Variants in MAN2A2 observed in about 807,000 individuals in gnomAD.
MAN2A2 encodes the protein mannosidase alpha class 2A member 2, also known as alpha-mannosidase 2x.
A neutral mutation model predicts 126.8 loss-of-function variants in MAN2A2; 79 were observed. The observed-to-expected ratio is 0.62, with a 90% CI of 0.52 to 0.75. The LOEUF (loss-of-function observed/expected upper bound fraction) is 0.75. Among genes scored for constraint, MAN2A2 ranks in the 30% least tolerant of loss-of-function variants. MAN2A2 has a pLI of 0.00. For missense variants in MAN2A2, 1,392 were observed against 1,522.4 expected (o/e 0.91, Z 1.43); for synonymous variants, 671 against 618.7 (o/e 1.08, Z -1.25).
At position 90,906,374 on chromosome 15, in the gene MAN2A2, G is replaced by A. The variant is rs1477043802; in HGVS notation, c.712G>A (p.Val238Met). The change falls in exon 6 of 23, where the codon GTG becomes ATG. Residue 238 changes from valine to methionine, a missense_variant. Transcript: ENST00000559717. ...VQKRAAVRRL[V>M]GNGQLEIATG... is the part of the protein sequence containing the mutation. ...AGTGTGAGTCCTTAACTATAGGCTG[G>A]TGGGAAACGGGCAGCTGGAGATTGC... 10 of 1,614,060 alleles carry A rather than the reference G, an allele frequency of 6.2e-6. No homozygotes were observed. The Admixed American group carries it at 1.0e-4, about 16-fold the overall frequency.
intron 18 of MAN2A2, 32 bp downstream of exon 18, chr15:90,913,438 A>C (rs1307708511): frequency 6.3e-7 from 1 of 1,577,788 alleles, no homozygotes; most frequent in Non-Finnish European, 8.7e-7. Flanking sequence ...CGGAGACCCC[A>C]CAGAGTAGAA....
At chr15:90,918,870 A>G in intron 22 of MAN2A2, 115 bp downstream of exon 22, 1 of 757,690 alleles carries the variant, frequency 1.3e-6, no homozygotes, top group Non-Finnish European at 2.2e-6. Flanking sequence ...GGCTTTCTGG[A>G]GAGAAGGGGG....
intron 7 of MAN2A2, 101 bp downstream of exon 7, chr15:90,907,014 C>A: frequency 7.1e-7 from 1 of 1,413,152 alleles, no homozygotes; most frequent in Non-Finnish European, 9.8e-7. Flanking sequence ...CAGAGCAGAC[C>A]TGCAGGCACT....
chr15:90,907,174 A>G, intron 7 of MAN2A2, 135 bp from the exon 8 acceptor site: 1 of 950,526 alleles, frequency 1.1e-6, no homozygotes, highest in Non-Finnish European at 1.6e-6. Flanking sequence ...TCCCTGGCCT[A>G]CACACTCTCT....
chr15:90,916,246 T>C lies in MAN2A2; in HGVS notation c.2984T>C (p.Val995Ala), dbSNP rs930715151. ...CGCCTCCTGCTAGAGCGGCGAACCG[T>C]GGGCAGTGAGGTAACATCTGGGGCT... ...RFRLLLERRT[V>A]GSEVQDSHST... Residue 995 changes from valine (V) to alanine (A), a missense_variant, in exon 20 of 23, where the codon GTG becomes GCG. By Grantham distance (64) the Val-to-Ala change is moderately conservative. Coordinates refer to ENST00000559717, the MANE Select transcript of MAN2A2 (RefSeq NM_006122.4). 4.3e-6 allele frequency: 7 copies of C among 1,613,590 alleles called. No homozygotes were observed. The highest frequency in any genetic ancestry group is 2.2e-5 in the South Asian group (2 of 91,072).
chr15:90,907,261 G>GGC, intron 7 of MAN2A2, 48 bp from the exon 8 acceptor site: 1 of 1,571,446 alleles, frequency 6.4e-7, no homozygotes. Context: ...CCCCCCTGGC[G>GGC]TCCAGAGGCT....
chr15:90,908,783 C>A (rs1490940285), intron 8 of MAN2A2, among the ~76,000 whole-genome samples: 4 of 152,048 alleles, frequency 2.6e-5, no homozygotes, highest in African/African-American at 9.7e-5. Flanking sequence ...ACCATATTGG[C>A]CAGGCTGGTC....
In MAN2A2 at chr15:90,912,196, G is replaced by A. The variant is rs1338146832; in HGVS notation, c.2263G>A (p.Val755Ile). ...CAGGCACGAAGCGTTTCCTCTCCGTGTCATTGACTCTGGCACCAGCGACTT... is the reference window on the plus strand; with the variant it reads ...CAGGCACGAAGCGTTTCCTCTCCGTATCATTGACTCTGGCACCAGCGACTT... ...VSRHEAFPLR[V>I]IDSGTSDFAL... Residue 755 changes from valine (V) to isoleucine (I), a missense_variant, in exon 15 of 23, where the codon GTC becomes ATC. Transcript: ENST00000559717. 1.9e-6 allele frequency: 3 copies of A among 1,614,066 alleles called. No individual in the cohort carries two copies. The highest frequency in any genetic ancestry group is 1.3e-5 in the African/African-American group (1 of 74,946).
At chr15:90,917,935 A>G in intron 20 of MAN2A2, 2 of 472,608 alleles carry the variant, frequency 4.2e-6, no homozygotes, top group Non-Finnish European at 7.7e-6. Flanking sequence ...GTTGCTCATG[A>G]TAGTGTTATG....
rs772998181 is a variant in MAN2A2, at chr15:90,905,671, G to A, written c.483G>A (p.Trp161Ter). Residue 161 changes from tryptophan to a stop codon, truncating the protein, a stop_gained, in exon 4 of 23, where the codon TGG becomes TGA. Coordinates refer to ENST00000559717, the MANE Select transcript of MAN2A2 (RefSeq NM_006122.4). LOFTEE classifies it high-confidence loss of function. The part of the protein sequence containing the change: ...GFDISYDPHD[W>*]DAEDLQVFVV... ...ACATCTCCTACGACCCGCACGACTG[G>A]GATGCTGAAGACCTGCAGGTGTTTG... The A allele has an allele frequency of 4.3e-6, 7 of 1,614,174 alleles. No homozygotes were observed. The highest frequency in any genetic ancestry group is 1.1e-5 in the South Asian group (1 of 91,080).
At chr15:90,916,761 TAG>T (rs2035219977) in intron 20 of MAN2A2, 1 of 884,690 alleles carries the variant, frequency 1.1e-6, no homozygotes, top group East Asian at 6.2e-5. Flanking sequence ...GTGCATCAGA[TAG>T]ATATTGAGCA....
At chr15:90,903,514 C>T (rs941658001) in intron 1 of MAN2A2, 82 bp downstream of exon 1, 2 of 155,768 alleles carry the variant, frequency 1.3e-5, no homozygotes, top group Non-Finnish European at 2.9e-5. Context: ...GGCCCCGTCT[C>T]TCCCTTCCCA....
At position 90,911,452 on chromosome 15, in the gene MAN2A2, C is replaced by G. The variant is rs781445101; in HGVS notation, c.2011C>G (p.Pro671Ala). 1 of 1,614,212 alleles carries G rather than the reference C, an allele frequency of 6.2e-7. No homozygotes were observed. The highest frequency in any genetic ancestry group is 8.5e-7 in the Non-Finnish European group (1 of 1,180,036). Reference protein sequence around the residue: ...FSMVSLLVNSPRVRVLSEEGQ... With the variant: ...FSMVSLLVNSARVRVLSEEGQ... ...CATGGTGTCCCTGCTGGTCAACTCT[C>G]CCCGCGTGCGTGTCCTTTCGGAGGA... Residue 671 changes from proline to alanine, a missense_variant, in exon 14 of 23, where the codon CCC (proline) becomes GCC (alanine). Transcript: ENST00000559717.
Position 90,916,109 on chromosome 15 carries a change from G to A in MAN2A2, c.2861-14G>A, listed in dbSNP as rs1164927385. ...GGGTGGGGGCGGGCCAGCACTCACT[G>A]TTTGCTTCCCCAGGCCAGCTGGAGG... On this transcript the variant is annotated splice_polypyrimidine_tract_variant and intron_variant, in intron 19 of 22. Transcript: ENST00000559717. The A allele has an allele frequency of 1.9e-6, 3 of 1,613,554 alleles. No homozygotes were observed. In the South Asian group the frequency reaches 3.3e-5, roughly 18 times the overall value.
intron 8 of MAN2A2, among the ~76,000 whole-genome samples, chr15:90,908,098 A>AT (rs1036653102): frequency 2.0e-5 from 3 of 152,266 alleles, no homozygotes; most frequent in Admixed American, 2.0e-4. Context: ...AAACGTGACC[A>AT]AAAGGGAAAT....
intron 1 of MAN2A2, 26 bp from the exon 2 acceptor site, chr15:90,904,164 G>T: frequency 6.2e-7 from 1 of 1,613,932 alleles, no homozygotes; most frequent in Non-Finnish European, 8.5e-7. Context: ...GCATGTTGGA[G>T]CTACAGATGG....
Position 90,920,751 on chromosome 15 carries a change from A to C in MAN2A2, c.*964A>C, listed in dbSNP as rs1003112425. ...CCTAGCAGGCAGACCTTGAAGCCTC[A>C]CCTTTAGTCTATCTGCAGAGGTATT... is the stretch of plus-strand genomic sequence containing the variant. On this transcript the variant is annotated 3_prime_UTR_variant, in exon 23 of 23. Transcript: ENST00000559717. The C allele has an allele frequency of 1.3e-5, 2 of 152,222 alleles. No individual in the cohort carries two copies. Among genetic ancestry groups the C allele is most frequent in the Non-Finnish European group, 1.5e-5 (1 of 68,058 alleles). 9.4% of individuals were successfully genotyped at this position (152,222 alleles called of 1,614,324 possible). A position where few individuals can be genotyped will look rare whatever the true frequency, so the allele number is the denominator to read the frequency against.
At position 90,906,386 on chromosome 15, in the gene MAN2A2, C is replaced by T; in HGVS notation, c.724C>T (p.Gln242Ter). 6.2e-7 allele frequency: 1 copy of T among 1,614,118 alleles called. No homozygotes were observed. Among genetic ancestry groups the T allele is most frequent in the Non-Finnish European group, 8.5e-7 (1 of 1,179,996 alleles). ...TAACTATAGGCTGGTGGGAAACGGG[C>T]AGCTGGAGATTGCGACAGGAGGCTG... Reference protein sequence around the residue: ...AAVRRLVGNGQLEIATGGWVM... With the variant: ...AAVRRLVGNG The change falls in exon 6 of 23, where the codon CAG becomes TAG. Residue 242 changes from glutamine (Q) to a stop codon, truncating the protein, a stop_gained. Transcript: ENST00000559717. LOFTEE classifies it high-confidence loss of function.
At chr15:90,916,473 C>T in intron 20 of MAN2A2, 1 of 1,143,008 alleles carries the variant, frequency 8.7e-7, no homozygotes, top group African/African-American at 1.5e-5. Context: ...TCACCTGTGC[C>T]CCTCATGTTC....
Sources: gnomAD v4.1 joint callset for allele counts (sites outside exome capture counted in the v4.1 genomes callset) on GRCh38, gnomAD v4.1.1 for gene constraint, MANE v1.5 for transcripts, NCBI Gene and HGNC (gene_info 2026-07-23, HGNC 2026-07-21) for gene names.